Variants in KCTD16 observed in about 807,000 individuals in gnomAD.
KCTD16 encodes BTB/POZ domain-containing protein KCTD16.
Under a neutral mutation model 33.2 loss-of-function variants are expected in KCTD16, and 13 were observed. The observed-to-expected ratio is 0.39, with a 90% CI of 0.25 to 0.62. KCTD16 has a LOEUF of 0.62. KCTD16 is among the 20% of genes least tolerant of loss of function. The pLI is 0.50. For synonymous variants in KCTD16, 197 were observed against 195.3 expected, an observed-to-expected ratio of 1.01 and a Z score of -0.07; for missense variants, 441 against 525.1, an observed-to-expected ratio of 0.84 and a Z score of 1.57.
At chr5:144,326,669 G>T (rs1752215329) in intron 3 of KCTD16, among the ~76,000 whole-genome samples, 1 of 150,186 alleles carries the variant, frequency 6.7e-6, no homozygotes, top group Non-Finnish European at 1.5e-5. Context: ...TCACCTAGTT[G>T]AAAGATCAGT....
chr5:144,316,961 G>A (rs1459687828), intron 3 of KCTD16, among the ~76,000 whole-genome samples: 4 of 150,518 alleles, frequency 2.7e-5, no homozygotes, highest in African/African-American at 4.9e-5. Flanking sequence ...CCAAGTAGCT[G>A]TGCCTACAGG....
At position 144,391,304 on chromosome 5, in the gene KCTD16, A is replaced by G. The variant is rs573925814; in HGVS notation, c.833-82356A>G. 8.5e-5 allele frequency among the ~76,000 whole-genome samples: 13 copies of G among 152,342 alleles called. No homozygotes were observed. In the South Asian group the frequency reaches 2.7e-3, roughly 32 times the overall value. ...TAATGGTAGAGATTTCAAGGTCCTTAGAGATATGGGGAAGTGATATATTTA... is the reference window on the plus strand; with the variant it reads ...TAATGGTAGAGATTTCAAGGTCCTTGGAGATATGGGGAAGTGATATATTTA... On this transcript the variant is annotated intron_variant, in intron 3 of 3. Coordinates refer to ENST00000512467, the MANE Select transcript of KCTD16 (RefSeq NM_020768.4).
At chr5:144,197,816 A>G (rs558061047) in intron 2 of KCTD16, among the ~76,000 whole-genome samples, 13 of 152,222 alleles carry the variant, frequency 8.5e-5, no homozygotes, top group Non-Finnish European at 1.9e-4. Context: ...TTAGGAATTA[A>G]GATAGAAAAT....
At chr5:144,369,550 T>C (rs1214817857) in intron 3 of KCTD16, 1 of 152,208 alleles carries the variant, frequency 6.6e-6, no homozygotes, top group Non-Finnish European at 1.5e-5. Flanking sequence ...GACTCCAGAA[T>C]GGATTGAGTC....
chr5:144,366,327 A>G (rs937173231), intron 3 of KCTD16, among the ~76,000 whole-genome samples: 1 of 152,210 alleles, frequency 6.6e-6, no homozygotes, highest in Admixed American at 6.5e-5. Flanking sequence ...TGGATCCCAA[A>G]GAGGGATGTA....
intron 3 of KCTD16, among the ~76,000 whole-genome samples, chr5:144,316,802 TG>T (rs1435848240): frequency 6.7e-6 from 1 of 148,582 alleles, no homozygotes; most frequent in Admixed American, 6.7e-5. Flanking sequence ...TGTGATCCAC[TG>T]CACCTGGCCC....
chr5:144,263,453 G>A lies in KCTD16; in HGVS notation c.832+55907G>A, dbSNP rs147771962. On this transcript the variant is annotated intron_variant, in intron 3 of 3. Transcript: ENST00000512467. ...TTTTCTATGAACAAATGTTAGAATC[G>A]GAGCCTTTGAATAGAAAATGGTATC... is the stretch of plus-strand genomic sequence containing the variant. Among the ~76,000 whole-genome samples, 699 of 152,132 alleles carry A rather than the reference G, an allele frequency of 4.6e-3. 6 individuals are homozygous for A. Among genetic ancestry groups the A allele is most frequent in the East Asian group, 0.011 (59 of 5,182 alleles).
chr5:144,372,760 G>A (rs961967377), intron 3 of KCTD16, among the ~76,000 whole-genome samples: 1 of 152,168 alleles, frequency 6.6e-6, no homozygotes, highest in Admixed American at 6.6e-5. Flanking sequence ...TGGCCAGGGA[G>A]TAGTAAGAAA....
At position 144,361,947 on chromosome 5, in the gene KCTD16, T is replaced by A. The variant is rs911425452; in HGVS notation, c.833-111713T>A. Among the ~76,000 whole-genome samples, 408 of 141,826 alleles carry A rather than the reference T, an allele frequency of 2.9e-3. 1 individual carries two copies. Among genetic ancestry groups the A allele is most frequent in the Admixed American group, 4.3e-3 (60 of 13,814 alleles). 93.0% of individuals were successfully genotyped at this position (141,826 alleles called of 152,430 possible). ...GTGTGTGTGTGTGTGTGTGTGTGTG[T>A]GATATATTTATCTAGCACTTGTTTC... On this transcript the variant is annotated intron_variant, in intron 3 of 3. Coordinates refer to ENST00000512467, the MANE Select transcript of KCTD16 (RefSeq NM_020768.4).
chr5:144,191,279 G>A lies in KCTD16; in HGVS notation c.-326-15110G>A, dbSNP rs139791035. ...GAGTTACTCTGTAGAAGTGGTGGTCGTTGAGAAACTTGTTTCTGTCATTTC... is the reference window on the plus strand; with the variant it reads ...GAGTTACTCTGTAGAAGTGGTGGTCATTGAGAAACTTGTTTCTGTCATTTC... On this transcript the variant is annotated intron_variant, in intron 2 of 3. Transcript: ENST00000512467. 6.6e-5 allele frequency among the ~76,000 whole-genome samples: 10 copies of A among 152,238 alleles called. No individual in the cohort carries two copies. In the East Asian group the frequency reaches 1.7e-3, roughly 26 times the overall value.
intron 3 of KCTD16, among the ~76,000 whole-genome samples, chr5:144,247,139 C>T (rs1754572479): frequency 1.3e-5 from 2 of 152,188 alleles, no homozygotes; most frequent in Admixed American, 1.3e-4. Context: ...CACTCTTTTA[C>T]ATGACCAGCT....
intron 3 of KCTD16, among the ~76,000 whole-genome samples, chr5:144,235,757 C>G (rs1466150980): frequency 6.6e-6 from 1 of 151,970 alleles, no homozygotes; most frequent in African/African-American, 2.4e-5. Context: ...ACTTCAGACA[C>G]TATTGAAAAT....
At chr5:144,408,493 C>T (rs937164773) in intron 3 of KCTD16, among the ~76,000 whole-genome samples, 11 of 152,154 alleles carry the variant, frequency 7.2e-5, no homozygotes, top group African/African-American at 2.7e-4. Flanking sequence ...CTTCTTGTTT[C>T]CAGAAAATAC....
chr5:144,219,340 T>G (rs1561533324), intron 3 of KCTD16, among the ~76,000 whole-genome samples: 1 of 151,188 alleles, frequency 6.6e-6, no homozygotes, highest in Non-Finnish European at 1.5e-5. Context: ...CAGCCTCCCG[T>G]GTAGCTGGGA....
At chr5:144,451,986 A>G (rs1561613115) in intron 3 of KCTD16, among the ~76,000 whole-genome samples, 1 of 151,952 alleles carries the variant, frequency 6.6e-6, no homozygotes, top group African/African-American at 2.4e-5. Context: ...GTCACAGCAT[A>G]TTAATTTATC....
rs925194793 is a variant in KCTD16 at position 144,480,658 on chromosome 5, G to A, written c.*6544G>A. On this transcript the variant is annotated 3_prime_UTR_variant, in exon 4 of 4. Transcript: ENST00000512467. ...GGTTTTGCATACCAGAGATCTTTTG[G>A]CAATGCCTGGAGATATTTTTTGTTT... 2.0e-5 allele frequency: 3 copies of A among 151,812 alleles called. No homozygotes were observed. Among genetic ancestry groups the A allele is most frequent in the South Asian group, 2.1e-4 (1 of 4,820 alleles). 9.4% of individuals were successfully genotyped at this position (151,812 alleles called of 1,614,324 possible). A position where few individuals can be genotyped will look rare whatever the true frequency, so the allele number is the denominator to read the frequency against.
In KCTD16 at chr5:144,342,037, A is replaced by G. The variant is rs1752660993; in HGVS notation, c.833-131623A>G. Among the ~76,000 whole-genome samples the G allele has an allele frequency of 2.6e-5, 4 of 152,192 alleles. No homozygotes were observed. The South Asian group carries it at 8.3e-4, about 32-fold the overall frequency. On this transcript the variant is annotated intron_variant, in intron 3 of 3. Transcript: ENST00000512467. ...ATATGGGACTGTTTTATTATGTTAA[A>G]AAGTTTAGTTAGCAATGCGGGCTCT...
At chr5:144,376,095 C>A (rs1752087140) in intron 3 of KCTD16, among the ~76,000 whole-genome samples, 1 of 151,948 alleles carries the variant, frequency 6.6e-6, no homozygotes, top group Non-Finnish European at 1.5e-5. Flanking sequence ...AAAGTGCAAA[C>A]TTTTTTTTCT....
At chr5:144,342,436 A>G (rs1305791900) in intron 3 of KCTD16, among the ~76,000 whole-genome samples, 1 of 152,082 alleles carries the variant, frequency 6.6e-6, no homozygotes, top group Non-Finnish European at 1.5e-5. Context: ...GTATCCTGAG[A>G]CTTTGCTGAA....
Sources: gnomAD v4.1 joint callset for allele counts (sites outside exome capture counted in the v4.1 genomes callset) on GRCh38, gnomAD v4.1.1 for gene constraint, MANE v1.5 for transcripts, NCBI Gene and HGNC (gene_info 2026-07-23, HGNC 2026-07-21) for gene names.